Variants in ATG2B observed in about 807,000 individuals in gnomAD.
ATG2B encodes autophagy-related protein 2 homolog B.
Under a neutral mutation model 241.3 loss-of-function variants are expected in ATG2B, and 121 were observed. The ratio of observed to expected loss-of-function variants is 0.50; its 90% CI spans 0.43 to 0.58. The LOEUF (loss-of-function observed/expected upper bound fraction) is 0.58. Ranked by LOEUF, ATG2B falls within the 20% of genes least tolerant of loss-of-function variation. The pLI is 0.00. For missense variants in ATG2B, 2,306 were observed against 2,491.6 expected (o/e 0.93, Z 1.59); for synonymous variants, 858 against 876.6 (o/e 0.98, Z 0.37).
In ATG2B at chr14:96,283,827, A is replaced by C. The variant is rs919035062; in HGVS notation, c.*1928T>G. The C allele has an allele frequency of 1.7e-4, 26 of 152,244 alleles. No homozygotes were observed. The highest frequency in any genetic ancestry group is 6.3e-4 in the African/African-American group (26 of 41,464). The allele number at this position is 152,244 out of a possible 1,614,324, so 9.4% of individuals were successfully genotyped here. On this transcript the variant is annotated 3_prime_UTR_variant, in exon 42 of 42. Coordinates refer to ENST00000359933, the MANE Select transcript of ATG2B (RefSeq NM_018036.7). ...TTGAGACACAACGTTTCTGTTCCCA[A>C]AATGATTACATCGACAACAGGTGCA...
chr14:96,293,146 AAC>A (rs1566713894), intron 36 of ATG2B: 1 of 152,180 alleles, frequency 6.6e-6, no homozygotes, highest in South Asian at 2.1e-4. Context: ...TGGAACTTGA[AAC>A]ACAGTTTTCC....
At position 96,347,270 on chromosome 14, in the gene ATG2B, G is replaced by C; in HGVS notation, c.234C>G (p.Ser78=). The C allele has an allele frequency of 6.2e-7, 1 of 1,611,478 alleles. No homozygotes were observed. The highest frequency in any genetic ancestry group is 8.5e-7 in the Non-Finnish European group (1 of 1,178,006). The part of the protein sequence containing the change: ...EVTEGFIQSI[S]LSVPWGSLLQ... ...GTAAAGAGCCCCATGGAACTGACAG[G>C]GAAATTGACTGAATGAATCCTTCAG... Residue 78 remains serine (S), a synonymous_variant, in exon 2 of 42, where the codon TCC becomes TCG. Coordinates refer to ENST00000359933, the MANE Select transcript of ATG2B (RefSeq NM_018036.7).
At position 96,344,757 on chromosome 14, in the gene ATG2B, CTAAAG is replaced by C. The variant is rs1250764777; in HGVS notation, c.479-6_479-2del. The C allele has an allele frequency of 5.6e-6, 8 of 1,437,074 alleles. No homozygotes were observed. Among genetic ancestry groups the C allele is most frequent in the African/African-American group, 1.4e-5 (1 of 70,130 alleles). 89.0% of individuals were successfully genotyped at this position (1,437,074 alleles called of 1,614,324 possible). A position where few individuals can be genotyped will look rare whatever the true frequency, so the allele number is the denominator to read the frequency against. ...AAAGTGACTTTTACTCTTCTTAGTA[CTAAAG>C]TAAACAAGTAATTGTCAACGTAAGA... On this transcript the variant is annotated splice_acceptor_variant and splice_polypyrimidine_tract_variant and intron_variant, in intron 3 of 41. Coordinates refer to ENST00000359933, the MANE Select transcript of ATG2B (RefSeq NM_018036.7). LOFTEE classifies it high-confidence loss of function.
chr14:96,358,064 G>A (rs1259391503), intron 1 of ATG2B, among the ~76,000 whole-genome samples: 3 of 150,536 alleles, frequency 2.0e-5, no homozygotes, highest in South Asian at 2.4e-4. Context: ...CCAAGTTTTC[G>A]TCCCAATTTT....
At chr14:96,355,041 C>T (rs889372759) in intron 1 of ATG2B, among the ~76,000 whole-genome samples, 1 of 152,082 alleles carries the variant, frequency 6.6e-6, no homozygotes, top group African/African-American at 2.4e-5. Flanking sequence ...GAATTTTAGA[C>T]CTTTGTCAGA....
At chr14:96,312,963 G>A (rs546254096) in intron 25 of ATG2B, 102 bp downstream of exon 25, 73 of 708,628 alleles carry the variant, frequency 1.0e-4, no homozygotes, top group Non-Finnish European at 1.4e-4. Context: ...GTAAAAGAAC[G>A]TTTAACAAAA....
chr14:96,333,807 TC>T lies in ATG2B; in HGVS notation c.1087del (p.Glu363SerfsTer8). 6.2e-7 allele frequency: 1 copy of T among 1,614,000 alleles called. No individual in the cohort carries two copies. The highest frequency in any genetic ancestry group is 8.5e-7 in the Non-Finnish European group (1 of 1,179,900). The part of the protein sequence containing the change: ...RKNRPMQQED[E>X]YRIQMELNRY... ...GTTTAATTCCATCTGAATTCGATAC[TC>T]GTCTTCCTGCTGCATGGGTCGATTT... On this transcript the variant is annotated frameshift_variant, in exon 8 of 42. Coordinates refer to ENST00000359933, the MANE Select transcript of ATG2B (RefSeq NM_018036.7). LOFTEE classifies it high-confidence loss of function.
chr14:96,310,167 G>A (rs143853595), intron 28 of ATG2B, among the ~76,000 whole-genome samples: 5 of 152,224 alleles, frequency 3.3e-5, no homozygotes, highest in African/African-American at 1.2e-4. Flanking sequence ...CTCTAAAATA[G>A]CAAGTTCCAA....
chr14:96,352,665 A>T (rs1176182640), intron 1 of ATG2B, among the ~76,000 whole-genome samples: 1 of 142,368 alleles, frequency 7.0e-6, no homozygotes, highest in African/African-American at 3.1e-5. Flanking sequence ...AAGAATATAA[A>T]GAAAAAGTAT....
In ATG2B at chr14:96,290,358, T is replaced by C; in HGVS notation, c.5856+78A>G. 1 of 1,507,860 alleles carries C rather than the reference T, an allele frequency of 6.6e-7. No individual in the cohort carries two copies. The highest frequency in any genetic ancestry group is 1.3e-5 in the South Asian group (1 of 78,122). 93.4% of individuals were successfully genotyped at this position (1,507,860 alleles called of 1,614,324 possible). On this transcript the variant is annotated intron_variant, in intron 40 of 41. Transcript: ENST00000359933. This position sits in a 1 kb window ranked among gnomAD's most constrained non-coding sequence, Gnocchi z 4.4. ...CACAACATTTTGTATATCTTCACAG[T>C]ATCGTTTTAAAAACAAAAGGACCCA... is the stretch of plus-strand genomic sequence containing the variant.
chr14:96,357,868 T>G (rs1223054430), intron 1 of ATG2B, among the ~76,000 whole-genome samples: 2 of 152,228 alleles, frequency 1.3e-5, no homozygotes, highest in Non-Finnish European at 2.9e-5. Context: ...ACTTCATACC[T>G]CATATATTTC....
chr14:96,291,889 A>G, intron 37 of ATG2B, 140 bp downstream of exon 37: 5 of 654,740 alleles, frequency 7.6e-6, no homozygotes, highest in Non-Finnish European at 1.2e-5. Context: ...TATTTACATT[A>G]AAAACAATTA....
chr14:96,309,344 A>G (rs1413465992), intron 29 of ATG2B, 109 bp downstream of exon 29: 11 of 1,353,428 alleles, frequency 8.1e-6, no homozygotes, highest in Non-Finnish European at 1.0e-5. Flanking sequence ...AGATATCCAT[A>G]AAAACTCATA....
At chr14:96,339,269 ACAGTGT>A (rs1314470799) in intron 6 of ATG2B, among the ~76,000 whole-genome samples, 1 of 114,272 alleles carries the variant, frequency 8.8e-6, no homozygotes, top group Non-Finnish European at 1.8e-5. Flanking sequence ...CAGCAATTCC[ACAGTGT>A]GTGTGTGTGT....
At position 96,295,519 on chromosome 14, in the gene ATG2B, A is replaced by C; in HGVS notation, c.5181T>G (p.Ser1727=). The change falls in exon 35 of 42, where the codon TCT becomes TCG. Residue 1727 remains serine (S), a synonymous_variant. Transcript: ENST00000359933. ...FFLKDFFTSL[S]AEVELQMTPD... ...GAGTCATTTGAAGCTCTACTTCTGC[A>C]GAAAGACTTGTGAAGAAATCCTTCA... 3.7e-6 allele frequency: 6 copies of C among 1,607,596 alleles called. No individual in the cohort carries two copies. The highest frequency in any genetic ancestry group is 5.1e-6 in the Non-Finnish European group (6 of 1,177,738).
chr14:96,296,273 C>A (rs1358495615), intron 34 of ATG2B, among the ~76,000 whole-genome samples: 1 of 152,134 alleles, frequency 6.6e-6, no homozygotes, highest in African/African-American at 2.4e-5. Flanking sequence ...TGAAAATAAT[C>A]CATTCAGTAT....
intron 34 of ATG2B, among the ~76,000 whole-genome samples, chr14:96,300,034 CT>C (rs961851412): frequency 6.3e-4 from 96 of 152,260 alleles, no homozygotes; most frequent in African/African-American, 2.2e-3. Flanking sequence ...CTCATTAACG[CT>C]TACATATTTG....
Position 96,332,615 on chromosome 14 carries a change from A to C in ATG2B, c.1248T>G (p.Ser416=). The change falls in exon 9 of 42, where the codon TCT becomes TCG. Residue 416 remains serine, a synonymous_variant. Coordinates refer to ENST00000359933, the MANE Select transcript of ATG2B (RefSeq NM_018036.7). The stretch of plus-strand genomic sequence containing the variant: ...GGGGTGGAAGAGAAGAGAGACTATG[A>C]GACATGTCCATATCAGCCATGGAGA... The part of the protein sequence containing the change: ...VFFSMADMDM[S]HSLSSLPPLG... 6.3e-7 allele frequency: 1 copy of C among 1,596,096 alleles called. No homozygotes were observed. The highest frequency in any genetic ancestry group is 8.5e-7 in the Non-Finnish European group (1 of 1,174,802).
At chr14:96,316,717 T>A (rs777212358) in intron 20 of ATG2B, 34 bp from the exon 21 acceptor site, 5 of 1,578,252 alleles carry the variant, frequency 3.2e-6, no homozygotes, top group Non-Finnish European at 4.3e-6. Context: ...CAGAAGTTAT[T>A]ACTTAAATGC....
Sources: gnomAD v4.1 joint callset for allele counts (sites outside exome capture counted in the v4.1 genomes callset) on GRCh38, gnomAD v4.1.1 for gene constraint, Gnocchi (gnomAD v3.1) non-coding constraint, MANE v1.5 for transcripts, NCBI Gene and HGNC (gene_info 2026-07-23, HGNC 2026-07-21) for gene names.